The following KANSL1 variants were observed in gnomAD, a reference collection of about 807,000 sequenced individuals.
The protein encoded by KANSL1 is MLL1/MLL complex subunit KANSL1.
Under a neutral mutation model 103.6 loss-of-function variants are expected in KANSL1, and 22 were observed. That is an observed-to-expected ratio of 0.21 (90% confidence interval 0.15 to 0.30). KANSL1 has a LOEUF of 0.30. KANSL1 is among the 10% of genes least tolerant of loss of function. The pLI, the probability that KANSL1 is intolerant of heterozygous loss-of-function variation, is 1.00. For missense variants in KANSL1, 1,337 were observed against 1,399.8 expected (o/e 0.96, Z 0.72); for synonymous variants, 600 against 527.6 (o/e 1.14, Z -1.88).
chr17:46,081,886 A>G (rs2146820318), intron 4 of KANSL1, among the ~76,000 whole-genome samples: 1 of 152,340 alleles, frequency 6.6e-6, no homozygotes, highest in South Asian at 2.1e-4. Context: ...AAGTGAAAAG[A>G]ACAAGTGCTC....
At chr17:46,183,582 G>C (rs2046888623) in intron 1 of KANSL1, among the ~76,000 whole-genome samples, 1 of 151,046 alleles carries the variant, frequency 6.6e-6, no homozygotes, top group Non-Finnish European at 1.5e-5. Flanking sequence ...GGAGAGAGGA[G>C]AGAGGAGACA....
In KANSL1 at chr17:46,171,822, G is replaced by C; in HGVS notation, c.322C>G (p.Leu108Val). 6.2e-7 allele frequency: 1 copy of C among 1,614,186 alleles called. No homozygotes were observed. The highest frequency in any genetic ancestry group is 8.5e-7 in the Non-Finnish European group (1 of 1,180,006). ...TGAGATAAGAGAGGATGAGATTTAAGGACTGTCTGCTTGCTGAAGACCCCT... is the reference window on the plus strand; with the variant it reads ...TGAGATAAGAGAGGATGAGATTTAACGACTGTCTGCTTGCTGAAGACCCCT... ...LQGVFSKQTVLKSHPLLSQSY... is the reference protein window; with the variant it reads ...LQGVFSKQTVVKSHPLLSQSY... Residue 108 changes from leucine (L) to valine (V), a missense_variant, in exon 2 of 15, where the codon CTT (leucine) becomes GTT (valine). Transcript: ENST00000432791.
chr17:46,115,023 T>C lies in KANSL1; in HGVS notation c.1290-20322A>G, dbSNP rs546085194. On this transcript the variant is annotated intron_variant, in intron 2 of 14. Coordinates refer to ENST00000432791, the MANE Select transcript of KANSL1 (RefSeq NM_015443.4). ...AAAGTCCACGAATTTTTTTCATTTT[T>C]TCTTTGGCAAACAGGTATTTTTGTA... 4.7e-4 allele frequency among the ~76,000 whole-genome samples: 72 copies of C among 152,354 alleles called. No homozygotes were observed. The Middle Eastern group carries it at 0.014, about 29-fold the overall frequency.
intron 2 of KANSL1, among the ~76,000 whole-genome samples, chr17:46,149,877 C>T (rs1187989906): frequency 2.0e-5 from 3 of 151,490 alleles, no homozygotes; most frequent in Non-Finnish European, 4.4e-5. Context: ...AAAAAATTAG[C>T]CGGGTGTGGT....
intron 2 of KANSL1, among the ~76,000 whole-genome samples, chr17:46,145,877 G>T (rs1918797): frequency 3.9e-5 from 6 of 151,948 alleles, no homozygotes; most frequent in Non-Finnish European, 8.8e-5. Flanking sequence ...TACAGGCGTC[G>T]ACCATGACAC....
chr17:46,122,238 C>G (rs988726850), intron 2 of KANSL1, among the ~76,000 whole-genome samples: 3 of 152,170 alleles, frequency 2.0e-5, no homozygotes, highest in African/African-American at 4.8e-5. Flanking sequence ...CTTCAAGCCC[C>G]TCTATCAGAA....
intron 9 of KANSL1, 45 bp downstream of exon 9, chr17:46,038,982 G>C (rs528363794): frequency 7.6e-6 from 12 of 1,587,762 alleles, no homozygotes; most frequent in Non-Finnish European, 1.0e-5. Flanking sequence ...AGAAAGCCCT[G>C]AGCAGGTGCA....
At chr17:46,085,236 G>A (rs563436114) in intron 3 of KANSL1, among the ~76,000 whole-genome samples, 1 of 152,230 alleles carries the variant, frequency 6.6e-6, no homozygotes, top group Non-Finnish European at 1.5e-5. Context: ...GTTAACACAT[G>A]AGCTGTTCAT....
At chr17:46,102,514 T>G (rs1465298156) in intron 2 of KANSL1, among the ~76,000 whole-genome samples, 1 of 152,218 alleles carries the variant, frequency 6.6e-6, no homozygotes, top group Admixed American at 6.5e-5. Context: ...CCTCCCAAAG[T>G]GCTGCAGTTA....
chr17:46,083,511 G>A (rs1007158494), intron 3 of KANSL1, among the ~76,000 whole-genome samples: 3 of 152,146 alleles, frequency 2.0e-5, no homozygotes, highest in Non-Finnish European at 1.5e-5. Context: ...GGGCCAGGTA[G>A]TCTACCTTTT....
chr17:46,052,139 GT>G (rs891860877), intron 6 of KANSL1, among the ~76,000 whole-genome samples: 4 of 152,194 alleles, frequency 2.6e-5, no homozygotes, highest in African/African-American at 9.7e-5. Flanking sequence ...AGATCACACA[GT>G]GGGTGAGTGG....
intron 2 of KANSL1, among the ~76,000 whole-genome samples, chr17:46,133,689 T>G (rs1220242487): frequency 6.6e-6 from 1 of 152,216 alleles, no homozygotes; most frequent in East Asian, 1.9e-4. Flanking sequence ...TGTTAAAAGT[T>G]TGATTCGAAA....
intron 1 of KANSL1, among the ~76,000 whole-genome samples, chr17:46,185,883 C>T (rs2047008656): frequency 6.6e-6 from 1 of 152,046 alleles, no homozygotes; most frequent in African/African-American, 2.4e-5. Context: ...TGAAGGATGT[C>T]TATATATCAA....
chr17:46,059,653 G>GAGAGAGAA (rs2078085939), intron 6 of KANSL1, among the ~76,000 whole-genome samples: 5 of 144,016 alleles, frequency 3.5e-5, no homozygotes, highest in Admixed American at 7.0e-5. Flanking sequence ...AAAAAAGAGA[G>GAGAGAGAA]AGAGAGAGAG....
chr17:46,156,127 C>T (rs1367006197), intron 2 of KANSL1, among the ~76,000 whole-genome samples: 3 of 152,194 alleles, frequency 2.0e-5, no homozygotes, highest in Non-Finnish European at 4.4e-5. Context: ...GTGGGCGGAT[C>T]ACCTGAGGTC....
At chr17:46,188,924 G>A (rs2696569) in intron 1 of KANSL1, among the ~76,000 whole-genome samples, 1 of 150,052 alleles carries the variant, frequency 6.7e-6, no homozygotes, top group Non-Finnish European at 1.5e-5. Flanking sequence ...TGCCAGCTAC[G>A]CAGGAGGCTG....
At chr17:46,185,046 T>C (rs2046955396) in intron 1 of KANSL1, among the ~76,000 whole-genome samples, 1 of 152,124 alleles carries the variant, frequency 6.6e-6, no homozygotes. Flanking sequence ...TCCACCATGT[T>C]GGCCTGGCCT....
intron 3 of KANSL1, among the ~76,000 whole-genome samples, chr17:46,087,046 C>T (rs898823752): frequency 2.0e-5 from 3 of 152,128 alleles, no homozygotes; most frequent in Non-Finnish European, 4.4e-5. Context: ...GGGTTGCAGG[C>T]ATGAGCCACT....
intron 1 of KANSL1, among the ~76,000 whole-genome samples, chr17:46,213,217 C>T (rs906041112): frequency 3.9e-5 from 6 of 152,234 alleles, no homozygotes; most frequent in Non-Finnish European, 8.8e-5. Flanking sequence ...AAAGAAAATA[C>T]TGTGTATCTA....
Sources: allele counts gnomAD v4.1 joint callset (sites outside exome capture counted in the v4.1 genomes callset), GRCh38; gene constraint gnomAD v4.1.1; transcripts MANE v1.5; gene names NCBI Gene and HGNC (gene_info 2026-07-23, HGNC 2026-07-21).